Variants in PTP4A1 observed in about 807,000 individuals in gnomAD.
The protein encoded by PTP4A1 is protein tyrosine phosphatase 4A1, also known as protein tyrosine phosphatase type IVA 1.
PTP4A1 carries 9 observed loss-of-function variants against 20.5 expected under a neutral mutation model. The observed-to-expected ratio is 0.44, with a 90% CI of 0.26 to 0.77. PTP4A1 has a LOEUF of 0.77. Among genes scored for constraint, PTP4A1 ranks in the 30% least tolerant of loss-of-function variants. The pLI is 0.19. For synonymous variants in PTP4A1, 78 were observed against 67.4 expected (o/e 1.16, Z -0.77); for missense variants, 137 against 218.8 (o/e 0.63, Z 2.36).
chr6:63,529,214 T>TGTGTGTATATATATATATGTATATA, intron 2 of PTP4A1, among the ~76,000 whole-genome samples: 1 of 149,252 alleles, frequency 6.7e-6, no homozygotes, highest in African/African-American at 2.4e-5. Flanking sequence ...TGTATATATA[T>TGTGTGTATATATATATATGTATATA]TTGCTAATAA....
At chr6:63,563,704 G>T (rs981208848) in intron 3 of PTP4A1, among the ~76,000 whole-genome samples, 1 of 152,148 alleles carries the variant, frequency 6.6e-6, no homozygotes, top group African/African-American at 2.4e-5. Context: ...CATATGTGTT[G>T]GGGAAGGAGG....
intron 3 of PTP4A1, among the ~76,000 whole-genome samples, chr6:63,560,690 C>T (rs565037490): frequency 6.6e-6 from 1 of 152,130 alleles, no homozygotes; most frequent in African/African-American, 2.4e-5. Context: ...AGGTGTGAGC[C>T]ACCGCACCCA....
Position 63,580,518 on chromosome 6 carries a change from A to T in PTP4A1, c.*344A>T, listed in dbSNP as rs1445983838. 2 of 187,928 alleles carry T rather than the reference A, an allele frequency of 1.1e-5. No homozygotes were observed. The highest frequency in any genetic ancestry group is 1.2e-4 in the South Asian group (1 of 8,084). The allele number at this position is 187,928 out of a possible 1,614,324, so 11.6% of individuals were successfully genotyped here. On this transcript the variant is annotated 3_prime_UTR_variant, in exon 6 of 6. Transcript: ENST00000626021. ...AATACATAAGAAATTTAGGAAGATT[A>T]GGTGCCAAAATACCCAGCACAATAC...
chr6:63,519,644 T>C (rs532303296), upstream of PTP4A1, among the ~76,000 whole-genome samples: 14 of 152,292 alleles, frequency 9.2e-5, no homozygotes, highest in African/African-American at 3.4e-4. Context: ...GTGACTCAAT[T>C]GAATTAAAAA....
At chr6:63,530,058 G>A (rs372671143) in intron 2 of PTP4A1, among the ~76,000 whole-genome samples, 9 of 151,898 alleles carry the variant, frequency 5.9e-5, no homozygotes, top group South Asian at 2.1e-4. Flanking sequence ...ACTGTTTCTC[G>A]AGATAGGGCA....
At chr6:63,533,905 G>A (rs935720422) in intron 2 of PTP4A1, among the ~76,000 whole-genome samples, 1 of 152,024 alleles carries the variant, frequency 6.6e-6, no homozygotes, top group African/African-American at 2.4e-5. Flanking sequence ...GTTCAGTGGT[G>A]TGATCTCGGC....
Position 63,583,239 on chromosome 6 carries a change from TAA to T in PTP4A1, c.*3066_*3067del, listed in dbSNP as rs1431339472. On this transcript the variant is annotated 3_prime_UTR_variant, in exon 6 of 6. Coordinates refer to ENST00000626021, the MANE Select transcript of PTP4A1 (RefSeq NM_003463.5). Reference sequence around the variant, plus strand: ...GTAAACAATGAAGTTATTTCAAAGTTAAGTTTTAAACAAAATACATGAAGTAG... The same window carrying T: ...GTAAACAATGAAGTTATTTCAAAGTTGTTTTAAACAAAATACATGAAGTAG... 6.6e-6 allele frequency: 1 copy of T among 152,210 alleles called. No individual in the cohort carries two copies. The highest frequency in any genetic ancestry group is 1.5e-5 in the Non-Finnish European group (1 of 68,028). 9.4% of individuals were successfully genotyped at this position (152,210 alleles called of 1,614,324 possible).
At chr6:63,532,477 T>C (rs988622284) in intron 2 of PTP4A1, among the ~76,000 whole-genome samples, 1 of 152,068 alleles carries the variant, frequency 6.6e-6, no homozygotes, top group Non-Finnish European at 1.5e-5. Context: ...CAGTGGATGG[T>C]AGGACTATTT....
intron 2 of PTP4A1, among the ~76,000 whole-genome samples, chr6:63,528,887 A>C (rs952119105): frequency 7.2e-5 from 11 of 152,060 alleles, no homozygotes; most frequent in Admixed American, 5.2e-4. Context: ...TCAGGAGTTC[A>C]AGACCAGCCT....
At chr6:63,547,080 T>A (rs1162085313) in intron 2 of PTP4A1, among the ~76,000 whole-genome samples, 5 of 152,180 alleles carry the variant, frequency 3.3e-5, no homozygotes, top group Non-Finnish European at 2.9e-5. Flanking sequence ...AGCATTCTCC[T>A]TTCACAGGCA....
At position 63,581,161 on chromosome 6, in the gene PTP4A1, A is replaced by G. The variant is rs747455425; in HGVS notation, c.*987A>G. The G allele has an allele frequency of 6.6e-6, 1 of 151,796 alleles. No individual in the cohort carries two copies. The highest frequency in any genetic ancestry group is 1.9e-4 in the East Asian group (1 of 5,176). The allele number at this position is 151,796 out of a possible 1,614,324, so 9.4% of individuals were successfully genotyped here. ...AGTGTGATTTTTTTTTTCCTTCCCA[A>G]CCTCTCTTGCAAAAAAAGAAATGGG... On this transcript the variant is annotated 3_prime_UTR_variant, in exon 6 of 6. Coordinates refer to ENST00000626021, the MANE Select transcript of PTP4A1 (RefSeq NM_003463.5).
At chr6:63,524,218 C>T (rs1775065407) in intron 1 of PTP4A1, among the ~76,000 whole-genome samples, 1 of 152,130 alleles carries the variant, frequency 6.6e-6, no homozygotes, top group Admixed American at 6.6e-5. Context: ...CTCCTGGCCT[C>T]AAATAATCTG....
At chr6:63,524,469 G>A (rs747694645) in intron 1 of PTP4A1, among the ~76,000 whole-genome samples, 3 of 152,110 alleles carry the variant, frequency 2.0e-5, no homozygotes, top group Non-Finnish European at 4.4e-5. Flanking sequence ...AGTTTAATAA[G>A]TGAGAACTTC....
intron 2 of PTP4A1, among the ~76,000 whole-genome samples, chr6:63,531,507 T>C (rs908209461): frequency 1.3e-5 from 2 of 151,598 alleles, no homozygotes; most frequent in African/African-American, 4.8e-5. Context: ...CCCATATCTA[T>C]TATGCTTTTT....
chr6:63,568,685 C>T (rs892655147), upstream of PTP4A1, among the ~76,000 whole-genome samples: 19 of 151,204 alleles, frequency 1.3e-4, no homozygotes, highest in African/African-American at 4.1e-4. Flanking sequence ...ATTTGCAAAG[C>T]ACAATAAATG....
intron 3 of PTP4A1, among the ~76,000 whole-genome samples, chr6:63,564,733 C>G (rs1777114082): frequency 6.6e-6 from 1 of 152,212 alleles, no homozygotes; most frequent in African/African-American, 2.4e-5. Context: ...CATAATTCAA[C>G]ATGTTCTAAA....
At chr6:63,539,464 A>G (rs1342240365) in intron 2 of PTP4A1, among the ~76,000 whole-genome samples, 1 of 152,134 alleles carries the variant, frequency 6.6e-6, no homozygotes, top group Non-Finnish European at 1.5e-5. Context: ...TCAACAAGGA[A>G]CAGGAAATCT....
chr6:63,579,999 T>G (rs1778121613), intron 5 of PTP4A1, 58 bp from the exon 6 acceptor site: 3 of 1,306,554 alleles, frequency 2.3e-6, no homozygotes, highest in Admixed American at 3.8e-5. Flanking sequence ...TATAAGACAC[T>G]AAATATTACT....
upstream of PTP4A1, among the ~76,000 whole-genome samples, chr6:63,520,751 C>T (rs987655145): frequency 6.6e-6 from 1 of 151,952 alleles, no homozygotes; most frequent in Non-Finnish European, 1.5e-5. Flanking sequence ...TTTATTATTT[C>T]CTTGTCAATA....
Sources: gnomAD v4.1 joint callset for allele counts (sites outside exome capture counted in the v4.1 genomes callset) on GRCh38, gnomAD v4.1.1 for gene constraint, MANE v1.5 for transcripts, NCBI Gene and HGNC (gene_info 2026-07-23, HGNC 2026-07-21) for gene names.